Variants in THRAP3 observed in about 807,000 individuals in gnomAD.
THRAP3 encodes the protein thyroid hormone receptor associated protein 3, also known as thyroid hormone receptor-associated protein 3.
A neutral mutation model predicts 101.0 loss-of-function variants in THRAP3; 16 were observed. The ratio of observed to expected loss-of-function variants is 0.16; its 90% CI spans 0.11 to 0.24. The LOEUF (loss-of-function observed/expected upper bound fraction) is 0.24. THRAP3 is among the 10% of genes least tolerant of loss of function. THRAP3 has a pLI of 1.00. For synonymous variants in THRAP3, 407 were observed against 422.6 expected, an observed-to-expected ratio of 0.96 and a Z score of 0.45; for missense variants, 989 against 1,202.7, an observed-to-expected ratio of 0.82 and a Z score of 2.63.
At chr1:36,303,112 A>ATTTTTTTTTTTTTTTTTTTT (rs397936228) in intron 11 of THRAP3, among the ~76,000 whole-genome samples, 2 of 125,148 alleles carry the variant, frequency 1.6e-5, no homozygotes, top group Non-Finnish European at 3.3e-5. Flanking sequence ...TGCCTGGCTA[A>ATTTTTTTTTTTTTTTTTTTT]TTTTTTTTTT....
chr1:36,287,309 C>T (rs377489816), intron 4 of THRAP3, 39 bp downstream of exon 4: 1 of 1,539,992 alleles, frequency 6.5e-7, no homozygotes, highest in Non-Finnish European at 8.8e-7. Flanking sequence ...GTGTTTTTAT[C>T]TCACTAGCTG....
Position 36,291,488 on chromosome 1 carries a change from G to T in THRAP3, c.1860G>T (p.Gln620His), listed in dbSNP as rs777051551. Reference sequence around the variant, plus strand: ...AGCACATACAATCAGCTCAGTCTCAGCGTAGCCCCTCAGAACTGTTTGCCC... The same window carrying T: ...AGCACATACAATCAGCTCAGTCTCATCGTAGCCCCTCAGAACTGTTTGCCC... ...IFQHIQSAQS[Q>H]RSPSELFAQH... Residue 620 changes from glutamine to histidine, a missense_variant, in exon 6 of 12, where the codon CAG becomes CAT. Gln to His is a conservative substitution (Grantham distance 24). Transcript: ENST00000354618. The T allele has an allele frequency of 5.0e-6, 8 of 1,614,204 alleles. No homozygotes were observed.
intron 11 of THRAP3, 60 bp from the exon 12 acceptor site, chr1:36,303,736 A>C: frequency 1.2e-6 from 2 of 1,610,596 alleles, no homozygotes; most frequent in South Asian, 2.2e-5. Flanking sequence ...CGTGCAGAGA[A>C]GAGAGCTCTG....
intron 1 of THRAP3, among the ~76,000 whole-genome samples, chr1:36,230,411 C>T: frequency 6.6e-6 from 1 of 152,078 alleles, no homozygotes; most frequent in East Asian, 1.9e-4. Flanking sequence ...AGCCACCGCG[C>T]CCAGCCCTGG....
At chr1:36,301,733 C>A in intron 11 of THRAP3, 37 bp downstream of exon 11, 1 of 1,587,004 alleles carries the variant, frequency 6.3e-7, no homozygotes. Flanking sequence ...GGTTAGAGGG[C>A]CTTTGACACA....
rs866404486 is a variant in THRAP3, at chr1:36,304,898, T to C, written c.*881T>C. The C allele has an allele frequency of 4.8e-6, 1 of 206,706 alleles. No individual in the cohort carries two copies. Among genetic ancestry groups the C allele is most frequent in the Non-Finnish European group, 9.9e-6 (1 of 101,152 alleles). The allele number at this position is 206,706 out of a possible 1,614,324, so 12.8% of individuals were successfully genotyped here. A position where few individuals can be genotyped will look rare whatever the true frequency, so the allele number is the denominator to read the frequency against. On this transcript the variant is annotated 3_prime_UTR_variant, in exon 12 of 12. Coordinates refer to ENST00000354618, the MANE Select transcript of THRAP3 (RefSeq NM_005119.4). ...TATTATCTTTACAAATATGAGAAAA[T>C]TTTTTCAATATTTTTTATTAATCTT...
intron 1 of THRAP3, among the ~76,000 whole-genome samples, chr1:36,249,692 G>GTGTGTT (rs1645274824): frequency 6.9e-6 from 1 of 144,126 alleles, no homozygotes; most frequent in Admixed American, 6.8e-5. Flanking sequence ...GTGAGTGTGT[G>GTGTGTT]TGTGTGTGTG....
In THRAP3 at chr1:36,305,015, T is replaced by C. The variant is rs1314030791; in HGVS notation, c.*998T>C. ...GTTTTTTTGGGTTTCTTTTTTTTTT[T>C]CTTTGTCTTTTTAACCTTAAGCTGT... On this transcript the variant is annotated 3_prime_UTR_variant, in exon 12 of 12. Transcript: ENST00000354618. 3 of 209,808 alleles carry C rather than the reference T, an allele frequency of 1.4e-5. No homozygotes were observed. The highest frequency in any genetic ancestry group is 1.9e-4 in the South Asian group (1 of 5,310). The allele number at this position is 209,808 out of a possible 1,614,324, so 13.0% of individuals were successfully genotyped here.
intron 1 of THRAP3, among the ~76,000 whole-genome samples, chr1:36,256,903 C>G (rs1388181226): frequency 6.6e-6 from 1 of 152,106 alleles, no homozygotes; most frequent in South Asian, 2.1e-4. Context: ...TCAAGTGATT[C>G]TCCTGCCTCA....
intron 2 of THRAP3, among the ~76,000 whole-genome samples, chr1:36,268,288 A>C (rs1645539709): frequency 1.3e-5 from 2 of 152,058 alleles, no homozygotes; most frequent in South Asian, 4.1e-4. Flanking sequence ...TTTTCTGAGA[A>C]TCAGATGACT....
chr1:36,225,924 C>G (rs915861395), intron 1 of THRAP3, among the ~76,000 whole-genome samples: 1 of 152,176 alleles, frequency 6.6e-6, no homozygotes, highest in African/African-American at 2.4e-5. Context: ...GATTAAAAAC[C>G]TCTATATCCA....
At chr1:36,246,285 A>C (rs1169466338) in intron 1 of THRAP3, among the ~76,000 whole-genome samples, 1 of 152,124 alleles carries the variant, frequency 6.6e-6, no homozygotes, top group South Asian at 2.1e-4. Context: ...GTCATTGGAG[A>C]AAAGTGGAGC....
intron 1 of THRAP3, among the ~76,000 whole-genome samples, chr1:36,235,044 C>T (rs1645069675): frequency 6.6e-6 from 1 of 152,090 alleles, no homozygotes; most frequent in African/African-American, 2.4e-5. Context: ...GAACTCCTGA[C>T]CTCAGGTGAT....
At chr1:36,252,919 T>G (rs1325717474) in intron 1 of THRAP3, among the ~76,000 whole-genome samples, 3 of 118,518 alleles carry the variant, frequency 2.5e-5, no homozygotes, top group African/African-American at 3.3e-5. Flanking sequence ...AAAATATATA[T>G]AGATAGGCAT....
At chr1:36,303,112 A>ATTTTTTTTTT (rs397936228) in intron 11 of THRAP3, among the ~76,000 whole-genome samples, 62 of 125,142 alleles carry the variant, frequency 5.0e-4, no homozygotes, top group Non-Finnish European at 5.5e-4. Flanking sequence ...TGCCTGGCTA[A>ATTTTTTTTTT]TTTTTTTTTT....
At chr1:36,284,319 C>T (rs1354503083) in intron 3 of THRAP3, among the ~76,000 whole-genome samples, 1 of 152,188 alleles carries the variant, frequency 6.6e-6, no homozygotes, top group Admixed American at 6.5e-5. Flanking sequence ...GGTCTAGAGA[C>T]ACTTTACATG....
At chr1:36,229,917 G>T (rs1426670976) in intron 1 of THRAP3, among the ~76,000 whole-genome samples, 1 of 146,732 alleles carries the variant, frequency 6.8e-6, no homozygotes, top group African/African-American at 2.5e-5. Flanking sequence ...CTCCCAAAGT[G>T]CTGGGATTAT....
At chr1:36,254,852 G>A (rs1645353043) in intron 1 of THRAP3, among the ~76,000 whole-genome samples, 2 of 152,120 alleles carry the variant, frequency 1.3e-5, no homozygotes, top group Admixed American at 6.6e-5. Context: ...CAGACAATGG[G>A]CTAGATTTGG....
the THRAP3 span, among the ~76,000 whole-genome samples, chr1:36,218,414 C>CAAAAAAA: frequency 2.5e-5 from 1 of 40,126 alleles, no homozygotes; most frequent in African/African-American, 8.7e-5. Flanking sequence ...GACTCTGTCT[C>CAAAAAAA]AAAAAAAAAA....
Sources: allele counts gnomAD v4.1 joint callset (sites outside exome capture counted in the v4.1 genomes callset), GRCh38; gene constraint gnomAD v4.1.1; transcripts MANE v1.5; gene names NCBI Gene and HGNC (gene_info 2026-07-23, HGNC 2026-07-21).